GALNTL6: variants seen among roughly 807,000 people sequenced by gnomAD.
GALNTL6 encodes the protein polypeptide N-acetylgalactosaminyltransferase like 6, also known as polypeptide N-acetylgalactosaminyltransferase-like 6.
A neutral mutation model predicts 73.7 loss-of-function variants in GALNTL6; 46 were observed. The ratio of observed to expected loss-of-function variants is 0.62; its 90% CI spans 0.49 to 0.80. The LOEUF is 0.80. Among genes scored for constraint, GALNTL6 ranks in the 30% least tolerant of loss-of-function variants. The pLI is 0.00. For synonymous variants in GALNTL6, 259 were observed against 263.7 expected (o/e 0.98, Z 0.17); for missense variants, 604 against 755.0 (o/e 0.80, Z 2.34).
At chr4:172,336,270 G>GCTTTTT (rs1741313275) in intron 4 of GALNTL6, among the ~76,000 whole-genome samples, 1 of 108,436 alleles carries the variant, frequency 9.2e-6, no homozygotes, top group South Asian at 3.0e-4. Flanking sequence ...GTATAGTTTT[G>GCTTTTT]TTTTGTTTTT....
chr4:171,972,626 A>T (rs1739603978), intron 2 of GALNTL6, among the ~76,000 whole-genome samples: 1 of 152,076 alleles, frequency 6.6e-6, no homozygotes, highest in Admixed American at 6.5e-5. Context: ...AAAAAGCAAA[A>T]TACTAGATAG....
intron 12 of GALNTL6, among the ~76,000 whole-genome samples, chr4:173,036,770 T>C (rs751780225): frequency 6.6e-6 from 1 of 152,124 alleles, no homozygotes; most frequent in Non-Finnish European, 1.5e-5. Flanking sequence ...AAAGGACATC[T>C]TCTATCGTCC....
chr4:172,624,253 TG>T lies in GALNTL6; in HGVS notation c.554-185107del, dbSNP rs531444673. Among the ~76,000 whole-genome samples, 38 of 152,206 alleles carry T rather than the reference TG, an allele frequency of 2.5e-4. No individual in the cohort carries two copies. In the South Asian group the frequency reaches 7.5e-3, roughly 30 times the overall value. Reference sequence around the variant, plus strand: ...GCAGAACTTAACAGGAGTGCTTTTTTGTTGTTGTTTTTGTTTTTTGTTTGTT... The same window carrying T: ...GCAGAACTTAACAGGAGTGCTTTTTTTTGTTGTTTTTGTTTTTTGTTTGTT... On this transcript the variant is annotated intron_variant, in intron 5 of 12. Transcript: ENST00000506823.
intron 2 of GALNTL6, among the ~76,000 whole-genome samples, chr4:172,015,303 A>G (rs181673043): frequency 3.9e-5 from 6 of 152,162 alleles, no homozygotes; most frequent in Admixed American, 2.6e-4. Flanking sequence ...TTATCATTAT[A>G]TAATGTCCTT....
At chr4:172,334,527 TTTC>T (rs1245524952) in intron 4 of GALNTL6, among the ~76,000 whole-genome samples, 18 of 152,188 alleles carry the variant, frequency 1.2e-4, no homozygotes, top group Admixed American at 8.5e-4. Context: ...GCCTTCTCGA[TTTC>T]TTCTTTGGTG....
At chr4:172,689,548 A>G (rs1011149682) in intron 5 of GALNTL6, among the ~76,000 whole-genome samples, 1 of 152,212 alleles carries the variant, frequency 6.6e-6, no homozygotes, top group African/African-American at 2.4e-5. Flanking sequence ...AGAATTTCAC[A>G]TATCTTATCA....
chr4:171,903,829 C>G (rs550917018), intron 2 of GALNTL6, among the ~76,000 whole-genome samples: 1 of 152,074 alleles, frequency 6.6e-6, no homozygotes, highest in African/African-American at 2.4e-5. Context: ...CAAGTGGGTC[C>G]CTGACCCCTG....
At chr4:172,716,866 A>G (rs1296075740) in intron 5 of GALNTL6, among the ~76,000 whole-genome samples, 1 of 152,102 alleles carries the variant, frequency 6.6e-6, no homozygotes, top group Non-Finnish European at 1.5e-5. Context: ...TTAGTCACCC[A>G]TAATTGTTCT....
chr4:172,677,748 C>A (rs1732387565), intron 5 of GALNTL6, among the ~76,000 whole-genome samples: 2 of 151,734 alleles, frequency 1.3e-5, no homozygotes, highest in South Asian at 4.2e-4. Context: ...CAGAGTGAGA[C>A]CCCCATCTCT....
intron 2 of GALNTL6, among the ~76,000 whole-genome samples, chr4:171,970,840 CTT>C (rs1413836536): frequency 4.6e-5 from 7 of 152,028 alleles, no homozygotes. Context: ...TACAAAATAA[CTT>C]ATTTTAAAAA....
At chr4:172,304,693 A>C (rs1300744161) in intron 3 of GALNTL6, among the ~76,000 whole-genome samples, 1 of 152,156 alleles carries the variant, frequency 6.6e-6, no homozygotes, top group Non-Finnish European at 1.5e-5. Flanking sequence ...TCCCCCGGAC[A>C]TAAACCTACT....
intron 7 of GALNTL6, among the ~76,000 whole-genome samples, chr4:172,859,630 A>G (rs918111079): frequency 2.0e-4 from 31 of 152,084 alleles, no homozygotes; most frequent in African/African-American, 6.8e-4. Flanking sequence ...CAGGTTTGAG[A>G]AAAAAATTAA....
chr4:172,000,575 T>C (rs556971320), intron 2 of GALNTL6, among the ~76,000 whole-genome samples: 1 of 152,294 alleles, frequency 6.6e-6, no homozygotes, highest in Non-Finnish European at 1.5e-5. Flanking sequence ...GTCTGTGCTC[T>C]GTGCATAAGG....
chr4:172,251,024 A>G (rs1199050901), intron 3 of GALNTL6, among the ~76,000 whole-genome samples: 1 of 151,672 alleles, frequency 6.6e-6, no homozygotes, highest in African/African-American at 2.4e-5. Context: ...TAAAGCTTGT[A>G]TTAGTCAGGG....
intron 10 of GALNTL6, among the ~76,000 whole-genome samples, chr4:172,954,555 C>T (rs910568055): frequency 2.6e-5 from 4 of 152,216 alleles, no homozygotes; most frequent in African/African-American, 9.7e-5. Flanking sequence ...CAGCCTCAAA[C>T]TCTTGGACTC....
intron 5 of GALNTL6, among the ~76,000 whole-genome samples, chr4:172,445,682 C>T (rs1221072033): frequency 6.6e-6 from 1 of 152,008 alleles, no homozygotes; most frequent in African/African-American, 2.4e-5. Context: ...TTCTCTTCAC[C>T]TATGTAAAAT....
At chr4:172,345,482 G>A (rs916551024) in intron 4 of GALNTL6, among the ~76,000 whole-genome samples, 1 of 152,136 alleles carries the variant, frequency 6.6e-6, no homozygotes, top group Admixed American at 6.5e-5. Context: ...GTAATGAAAT[G>A]CATGTGTGAT....
At chr4:172,013,917 A>G (rs1177940801) in intron 2 of GALNTL6, among the ~76,000 whole-genome samples, 1 of 139,310 alleles carries the variant, frequency 7.2e-6, no homozygotes, top group African/African-American at 2.7e-5. Context: ...CTATACCTCC[A>G]TGAGTTCAGT....
Position 172,482,297 on chromosome 4 carries a change from C to T in GALNTL6, c.553+133608C>T, listed in dbSNP as rs150155286. On this transcript the variant is annotated intron_variant, in intron 5 of 12. Coordinates refer to ENST00000506823, the MANE Select transcript of GALNTL6 (RefSeq NM_001034845.3). Reference sequence around the variant, plus strand: ...AGCAGAGGGAGCTGGCTCCAGCCTCCGACAGCCCAGAGAGGGGCTCCCACA... The same window carrying T: ...AGCAGAGGGAGCTGGCTCCAGCCTCTGACAGCCCAGAGAGGGGCTCCCACA... Among the ~76,000 whole-genome samples, 416 of 152,354 alleles carry T rather than the reference C, an allele frequency of 2.7e-3. 3 individuals carry two copies. The highest frequency in any genetic ancestry group is 9.0e-3 in the African/African-American group (373 of 41,586).
Sources: gnomAD v4.1 joint callset for allele counts (sites outside exome capture counted in the v4.1 genomes callset) on GRCh38, gnomAD v4.1.1 for gene constraint, MANE v1.5 for transcripts, NCBI Gene and HGNC (gene_info 2026-07-23, HGNC 2026-07-21) for gene names.